The following PSMC4 variants were observed in gnomAD, a reference collection of about 807,000 sequenced individuals.
PSMC4 encodes proteasome 26S subunit, ATPase 4.
Under a neutral mutation model 48.4 loss-of-function variants are expected in PSMC4, and 13 were observed. The observed-to-expected ratio is 0.27, with a 90% CI of 0.18 to 0.43. The LOEUF is 0.43. Ranked by LOEUF, PSMC4 falls within the 20% of genes least tolerant of loss-of-function variation. The pLI, the probability that PSMC4 is intolerant of heterozygous loss-of-function variation, is 1.00. For synonymous variants in PSMC4, 202 were observed against 212.3 expected, an observed-to-expected ratio of 0.95 and a Z score of 0.42; for missense variants, 262 against 555.9, an observed-to-expected ratio of 0.47 and a Z score of 5.32.
At chr19:39,972,283 G>C (rs1194822015) in intron 2 of PSMC4, 39 bp downstream of exon 2, 4 of 1,610,350 alleles carry the variant, frequency 2.5e-6, no homozygotes, top group Non-Finnish European at 2.5e-6. Flanking sequence ...CACAGGACCT[G>C]ACATCTCATA....
chr19:39,974,232 G>C lies in PSMC4; in HGVS notation c.323-62G>C, dbSNP rs1220940516. On this transcript the variant is annotated intron_variant, in intron 3 of 10. Coordinates refer to ENST00000157812, the MANE Select transcript of PSMC4 (RefSeq NM_006503.4). This position sits in a 1 kb window ranked among gnomAD's most constrained non-coding sequence, Gnocchi z 5.5. ...GTTGGGGTGTGGAGATTAGGAGGGA[G>C]GAAGGGGGAAGGGGCAGTTTCCAGG... 2.5e-6 allele frequency: 4 copies of C among 1,589,798 alleles called. No individual in the cohort carries two copies. The highest frequency in any genetic ancestry group is 3.4e-6 in the Non-Finnish European group (4 of 1,164,846).
chr19:39,974,862 C>A lies in PSMC4; in HGVS notation c.673+34C>A. On this transcript the variant is annotated intron_variant, in intron 6 of 10. Coordinates refer to ENST00000157812, the MANE Select transcript of PSMC4 (RefSeq NM_006503.4). This position sits in a 1 kb window ranked among gnomAD's most constrained non-coding sequence, Gnocchi z 5.5. ...TTTCGCCCCTGCCCCGAGCTCTCAT[C>A]TTCTGGCCTCTTCGCCTTGCTCCCT... 1 of 1,568,406 alleles carries A rather than the reference C, an allele frequency of 6.4e-7. No homozygotes were observed. The highest frequency in any genetic ancestry group is 8.8e-7 in the Non-Finnish European group (1 of 1,141,644).
intron 6 of PSMC4, among the ~76,000 whole-genome samples, chr19:39,978,351 G>A (rs543563657): frequency 8.3e-4 from 127 of 152,234 alleles, no homozygotes; most frequent in African/African-American, 3.0e-3. Flanking sequence ...CCAGGGATGG[G>A]GGTTTCATGT....
chr19:39,975,468 CTT>C (rs111457752), intron 6 of PSMC4, among the ~76,000 whole-genome samples: 1 of 147,280 alleles, frequency 6.8e-6, no homozygotes, highest in African/African-American at 2.5e-5. Context: ...CACTCTATAA[CTT>C]TTTTTTTTTT....
intron 1 of PSMC4, 31 bp from the exon 2 acceptor site, chr19:39,972,115 C>T (rs1230712314): frequency 1.9e-6 from 3 of 1,585,868 alleles, no homozygotes; most frequent in African/African-American, 1.3e-5. Context: ...GGACTGTCTT[C>T]TTCCAATGTG....
Position 39,974,373 on chromosome 19 carries a change from G to A in PSMC4, c.402G>A (p.Lys134=), listed in dbSNP as rs750884569. ...LKPNASVALH[K]HSNALVDVLP... is the part of the protein sequence containing the mutation. ...CCAACGCCTCAGTGGCCCTCCACAA[G>A]CACAGCAATGCACTGGTGGACGTGC... The change falls in exon 4 of 11, where the codon AAG becomes AAA. Residue 134 remains lysine, a synonymous_variant. Coordinates refer to ENST00000157812, the MANE Select transcript of PSMC4 (RefSeq NM_006503.4). The surrounding 1 kb of genome is among the most constrained non-coding windows in gnomAD (Gnocchi z 5.5). 2.5e-6 allele frequency: 4 copies of A among 1,613,998 alleles called. No homozygotes were observed. The highest frequency in any genetic ancestry group is 3.4e-6 in the Non-Finnish European group (4 of 1,180,028).
intron 6 of PSMC4, among the ~76,000 whole-genome samples, chr19:39,976,818 T>C (rs1971208664): frequency 6.6e-6 from 1 of 151,096 alleles, no homozygotes; most frequent in Admixed American, 6.6e-5. Context: ...CCGTAAACCT[T>C]CTTAAAACAT....
At chr19:39,975,468 CT>C (rs111457752) in intron 6 of PSMC4, among the ~76,000 whole-genome samples, 28,466 of 146,810 alleles carry the variant, frequency 0.19, 5,996 homozygotes, top group African/African-American at 0.52. Context: ...CACTCTATAA[CT>C]TTTTTTTTTT....
intron 6 of PSMC4, chr19:39,979,597 A>T: frequency 2.6e-6 from 1 of 378,014 alleles, no homozygotes; most frequent in East Asian, 3.9e-5. Flanking sequence ...TGTAAGGATG[A>T]TTCATGATTT....
chr19:39,980,595 A>C lies in PSMC4; in HGVS notation c.1088-67A>C. ...AGGAGGGGAGGTGACAGAGATGGCC[A>C]AAGATGACTTCCAGCCCCAGGCATT... On this transcript the variant is annotated intron_variant, in intron 9 of 10. Coordinates refer to ENST00000157812, the MANE Select transcript of PSMC4 (RefSeq NM_006503.4). This position sits in a 1 kb window ranked among gnomAD's most constrained non-coding sequence, Gnocchi z 4.8. 6.3e-7 allele frequency: 1 copy of C among 1,597,940 alleles called. No individual in the cohort carries two copies. Among genetic ancestry groups the C allele is most frequent in the African/African-American group, 1.3e-5 (1 of 74,658 alleles).
intron 6 of PSMC4, 142 bp from the exon 7 acceptor site, chr19:39,979,675 T>C (rs1455622437): frequency 1.3e-6 from 1 of 799,232 alleles, no homozygotes; most frequent in East Asian, 3.0e-5. Context: ...GGGCTCACCC[T>C]TGGGCATGAG....
In PSMC4 at chr19:39,980,609, G is replaced by A; in HGVS notation, c.1088-53G>A. ...CAGAGATGGCCAAAGATGACTTCCA[G>A]CCCCAGGCATTTACCCCATCACACA... On this transcript the variant is annotated intron_variant, in intron 9 of 10. Transcript: ENST00000157812. This position sits in a 1 kb window ranked among gnomAD's most constrained non-coding sequence, Gnocchi z 4.8. 1 of 1,604,402 alleles carries A rather than the reference G, an allele frequency of 6.2e-7. No homozygotes were observed. The highest frequency in any genetic ancestry group is 1.1e-5 in the South Asian group (1 of 90,878).
At chr19:39,971,601 C>T (rs952613176) in intron 1 of PSMC4, among the ~76,000 whole-genome samples, 1 of 152,082 alleles carries the variant, frequency 6.6e-6, no homozygotes, top group Non-Finnish European at 1.5e-5. Context: ...CGGGTCTGGG[C>T]TGCGGGGCTG....
chr19:39,980,156 T>C lies in PSMC4; in HGVS notation c.918+10T>C, dbSNP rs1317235104. The C allele has an allele frequency of 3.1e-6, 5 of 1,613,896 alleles. No individual in the cohort carries two copies. The highest frequency in any genetic ancestry group is 1.6e-4 in the Middle Eastern group (1 of 6,062). ...GAATGTCAATGTCAAGGTTTGGGGT[T>C]TGGGATGGACAAGGGGAGGTGTGGT... On this transcript the variant is annotated intron_variant, in intron 8 of 10. Transcript: ENST00000157812. The surrounding 1 kb of genome is among the most constrained non-coding windows in gnomAD (Gnocchi z 4.8).
At chr19:39,978,173 C>G (rs1971235376) in intron 6 of PSMC4, among the ~76,000 whole-genome samples, 1 of 152,060 alleles carries the variant, frequency 6.6e-6, no homozygotes, top group African/African-American at 2.4e-5. Flanking sequence ...GCACAGCTTA[C>G]TAAGAGTGAG....
intron 6 of PSMC4, among the ~76,000 whole-genome samples, chr19:39,979,100 T>A (rs767509653): frequency 2.6e-5 from 4 of 152,196 alleles, no homozygotes; most frequent in Non-Finnish European, 4.4e-5. Flanking sequence ...CTGGTCCTTA[T>A]AGCAAACAGG....
intron 6 of PSMC4, among the ~76,000 whole-genome samples, chr19:39,979,208 G>T (rs918530933): frequency 1.3e-4 from 20 of 152,082 alleles, no homozygotes; most frequent in African/African-American, 4.8e-4. Flanking sequence ...ATGTAGACTG[G>T]TTTTTTTCTT....
chr19:39,973,157 T>A (rs1485688416), intron 3 of PSMC4, among the ~76,000 whole-genome samples: 1 of 152,214 alleles, frequency 6.6e-6, no homozygotes, highest in East Asian at 1.9e-4. Flanking sequence ...GTGTGGTATA[T>A]GCTGATGTTT....
At chr19:39,973,428 AT>A (rs1229789698) in intron 3 of PSMC4, among the ~76,000 whole-genome samples, 2 of 152,156 alleles carry the variant, frequency 1.3e-5, no homozygotes, top group East Asian at 3.9e-4. Context: ...TACTGAAAAT[AT>A]AAAAATTAGC....
Sources: allele counts gnomAD v4.1 joint callset (sites outside exome capture counted in the v4.1 genomes callset), GRCh38; gene constraint gnomAD v4.1.1; non-coding constraint Gnocchi (gnomAD v3.1); transcripts MANE v1.5; gene names NCBI Gene and HGNC (gene_info 2026-07-23, HGNC 2026-07-21).